The following ST3GAL2 variants were observed in gnomAD, a reference collection of about 807,000 sequenced individuals.
ST3GAL2 encodes CMP-N-acetylneuraminate-beta-galactosamide-alpha-2,3-sialyltransferase 2.
In ST3GAL2, 16 loss-of-function variants were observed where a neutral mutation model predicts 37.5. The observed-to-expected ratio is 0.43, with a 90% confidence interval of 0.29 to 0.65. ST3GAL2 has a LOEUF of 0.65. Ranked by LOEUF, ST3GAL2 falls within the 30% of genes least tolerant of loss-of-function variation. The probability of loss-of-function intolerance (pLI) is 0.17; values close to 1 mark genes in which losing one functional copy is unlikely to be tolerated. For missense variants in ST3GAL2, 383 were observed against 487.8 expected, an observed-to-expected ratio of 0.79 and a Z score of 2.02; for synonymous variants, 238 against 202.9, an observed-to-expected ratio of 1.17 and a Z score of -1.47.
At chr16:70,420,560 A>G (rs1212454801) in intron 1 of ST3GAL2, among the ~76,000 whole-genome samples, 1 of 152,202 alleles carries the variant, frequency 6.6e-6, no homozygotes, top group East Asian at 1.9e-4. Flanking sequence ...GAGCCTGGCG[A>G]AAGGGCCTGC....
At chr16:70,384,503 G>A (rs2047428448) in intron 4 of ST3GAL2, among the ~76,000 whole-genome samples, 1 of 151,472 alleles carries the variant, frequency 6.6e-6, no homozygotes, top group Non-Finnish European at 1.5e-5. Flanking sequence ...TCAAGAGATG[G>A]AGACCATCCT....
rs1004199208 is a variant in ST3GAL2, at chr16:70,378,839, T to C, written c.*2850A>G. 1 of 151,828 alleles carries C rather than the reference T, an allele frequency of 6.6e-6. No homozygotes were observed. Among genetic ancestry groups the C allele is most frequent in the Admixed American group, 6.6e-5 (1 of 15,206 alleles). 9.4% of individuals were successfully genotyped at this position (151,828 alleles called of 1,614,324 possible). A position where few individuals can be genotyped will look rare whatever the true frequency, so the allele number is the denominator to read the frequency against. On this transcript the variant is annotated 3_prime_UTR_variant, in exon 7 of 7. Coordinates refer to ENST00000342907, the MANE Select transcript of ST3GAL2 (RefSeq NM_006927.4). Reference sequence around the variant, plus strand: ...GGAGAAAACCCGTCTCTACTAAAAATATAAAATTATCCGGGAGTGGTGGTG... The same window carrying C: ...GGAGAAAACCCGTCTCTACTAAAAACATAAAATTATCCGGGAGTGGTGGTG...
chr16:70,399,693 G>A (rs561572394), intron 1 of ST3GAL2, 160 bp from the exon 2 acceptor site: 506 of 364,690 alleles, frequency 1.4e-3, no homozygotes, highest in Middle Eastern at 2.1e-3. Flanking sequence ...TGCACAGATA[G>A]CATCACTGTG....
At position 70,377,178 on chromosome 16, in the gene ST3GAL2, TAAAAAAAAAAA is replaced by T. The variant is rs34454921; in HGVS notation, c.*4500_*4510del. 8.2e-5 allele frequency: 7 copies of T among 85,494 alleles called. No individual in the cohort carries two copies. Among genetic ancestry groups the T allele is most frequent in the East Asian group, 3.6e-4 (1 of 2,804 alleles). 5.3% of individuals were successfully genotyped at this position (85,494 alleles called of 1,614,324 possible). On this transcript the variant is annotated 3_prime_UTR_variant, in exon 7 of 7. Coordinates refer to ENST00000342907, the MANE Select transcript of ST3GAL2 (RefSeq NM_006927.4). ...CTGGGCGACAGGAGACCCTGTCTCT[TAAAAAAAAAAA>T]AAAAAAAAAAAAAAGGGTCTGGTGG... is the stretch of plus-strand genomic sequence containing the variant.
intron 1 of ST3GAL2, among the ~76,000 whole-genome samples, chr16:70,413,377 C>A (rs938048836): frequency 2.6e-5 from 4 of 151,848 alleles, no homozygotes; most frequent in African/African-American, 9.7e-5. Flanking sequence ...GATCATGCCA[C>A]TGCACACCAG....
chr16:70,431,162 G>A (rs74026032), intron 1 of ST3GAL2, among the ~76,000 whole-genome samples: 1,763 of 152,144 alleles, frequency 0.012, 35 homozygotes, highest in African/African-American at 0.04. Context: ...CCTGACGTGT[G>A]CCTCTCCTCA....
intron 4 of ST3GAL2, among the ~76,000 whole-genome samples, chr16:70,386,438 C>A (rs905906409): frequency 6.6e-6 from 1 of 152,008 alleles, no homozygotes; most frequent in South Asian, 2.1e-4. Context: ...GTGATCCGCC[C>A]GCCTGGTCTC....
intron 4 of ST3GAL2, among the ~76,000 whole-genome samples, chr16:70,388,067 G>A (rs549166993): frequency 5.3e-5 from 8 of 151,068 alleles, no homozygotes; most frequent in Non-Finnish European, 1.0e-4. Flanking sequence ...AGCCAAGATC[G>A]CGCCATTGCA....
intron 1 of ST3GAL2, among the ~76,000 whole-genome samples, chr16:70,431,985 A>ATATATATATATATT (rs1454729972): frequency 4.3e-5 from 6 of 139,014 alleles, no homozygotes; most frequent in African/African-American, 1.6e-4. Context: ...ATATATATAT[A>ATATATATATATATT]TTTTTTTTTA....
Position 70,378,925 on chromosome 16 carries a change from G to C in ST3GAL2, c.*2764C>G, listed in dbSNP as rs1483882193. 2 of 152,170 alleles carry C rather than the reference G, an allele frequency of 1.3e-5. No homozygotes were observed. The highest frequency in any genetic ancestry group is 2.9e-5 in the Non-Finnish European group (2 of 68,096). 9.4% of individuals were successfully genotyped at this position (152,170 alleles called of 1,614,324 possible). On this transcript the variant is annotated 3_prime_UTR_variant, in exon 7 of 7. Coordinates refer to ENST00000342907, the MANE Select transcript of ST3GAL2 (RefSeq NM_006927.4). ...AGGCAGAAGAATCGCTTGAACCCAG[G>C]AGGTGGAGGTTGGGATGAGCCGACA...
chr16:70,423,269 G>A (rs2047727999), intron 1 of ST3GAL2, among the ~76,000 whole-genome samples: 1 of 152,216 alleles, frequency 6.6e-6, no homozygotes. Context: ...AGCACTTTGG[G>A]AGGCTGCGTC....
At chr16:70,422,257 A>T (rs907923090) in intron 1 of ST3GAL2, among the ~76,000 whole-genome samples, 18 of 152,218 alleles carry the variant, frequency 1.2e-4, no homozygotes, top group Non-Finnish European at 2.9e-5. Context: ...CAAAGATTAA[A>T]TGAGCAATGA....
Position 70,399,331 on chromosome 16 carries a change from G to T in ST3GAL2, c.-801C>A. 2.5e-6 allele frequency: 1 copy of T among 398,822 alleles called. No homozygotes were observed. The highest frequency in any genetic ancestry group is 1.3e-4 in the South Asian group (1 of 7,862). The allele number at this position is 398,822 out of a possible 1,614,324, so 24.7% of individuals were successfully genotyped here. A position where few individuals can be genotyped will look rare whatever the true frequency, so the allele number is the denominator to read the frequency against. ...GCGCTGGGAACAGCTGCTGTTCAGCGGGGCACTGTGTCCAATACCATCTGG... is the reference window on the plus strand; with the variant it reads ...GCGCTGGGAACAGCTGCTGTTCAGCTGGGCACTGTGTCCAATACCATCTGG... On this transcript the variant is annotated 5_prime_UTR_variant, in exon 2 of 7. Transcript: ENST00000342907.
At chr16:70,382,053 T>C (rs1039931593) in intron 6 of ST3GAL2, among the ~76,000 whole-genome samples, 191 bp from the exon 7 acceptor site, 1 of 117,524 alleles carries the variant, frequency 8.5e-6, no homozygotes, top group Non-Finnish European at 1.6e-5. Flanking sequence ...AATTCCTCCT[T>C]TTTTTTTTTT....
chr16:70,429,181 G>A (rs561349142), intron 1 of ST3GAL2, among the ~76,000 whole-genome samples: 22 of 152,328 alleles, frequency 1.4e-4, no homozygotes, highest in Admixed American at 1.2e-3. Flanking sequence ...TTAGGAGAAA[G>A]TTCAAGCCAA....
At position 70,398,576 on chromosome 16, in the gene ST3GAL2, GC is replaced by G; in HGVS notation, c.-47del. 1 of 1,517,644 alleles carries G rather than the reference GC, an allele frequency of 6.6e-7. No homozygotes were observed. The highest frequency in any genetic ancestry group is 8.8e-7 in the Non-Finnish European group (1 of 1,131,622). The allele number at this position is 1,517,644 out of a possible 1,614,324, so 94.0% of individuals were successfully genotyped here. On this transcript the variant is annotated 5_prime_UTR_variant, in exon 2 of 7. The change abolishes the stop of an existing upstream ORF in the 5' untranslated region. Coordinates refer to ENST00000342907, the MANE Select transcript of ST3GAL2 (RefSeq NM_006927.4). ...GGTCACCGTGGCCACTCTTTTCCCA[GC>G]CCGCTGAGGGGCCAGCCACGGCGTA...
At chr16:70,390,612 G>A (rs924435919) in intron 3 of ST3GAL2, among the ~76,000 whole-genome samples, 1 of 152,180 alleles carries the variant, frequency 6.6e-6, no homozygotes, top group Non-Finnish European at 1.5e-5. Flanking sequence ...AATGCCCCAA[G>A]TTCTGACGGT....
intron 1 of ST3GAL2, among the ~76,000 whole-genome samples, chr16:70,410,520 TG>T (rs2047630472): frequency 6.6e-6 from 1 of 151,980 alleles, no homozygotes; most frequent in Non-Finnish European, 1.5e-5. Context: ...CCCAAAGTGC[TG>T]GGATTACAGG....
At chr16:70,390,288 G>T (rs1387182070) in intron 3 of ST3GAL2, among the ~76,000 whole-genome samples, 1 of 151,990 alleles carries the variant, frequency 6.6e-6, no homozygotes, top group Admixed American at 6.6e-5. Context: ...GTCCAGGCTG[G>T]TCTCAATCTC....
Sources: allele counts gnomAD v4.1 joint callset (sites outside exome capture counted in the v4.1 genomes callset), GRCh38; gene constraint gnomAD v4.1.1; transcripts MANE v1.5; gene names NCBI Gene and HGNC (gene_info 2026-07-23, HGNC 2026-07-21).